Variants in DLG1 observed in about 807,000 individuals in gnomAD.
DLG1 encodes discs large MAGUK scaffold protein 1.
A neutral mutation model predicts 123.4 loss-of-function variants in DLG1; 42 were observed. The observed-to-expected ratio is 0.34, with a 90% CI of 0.27 to 0.44. DLG1 has a LOEUF of 0.44. Among genes scored for constraint, DLG1 ranks in the 20% least tolerant of loss-of-function variants. The pLI is 1.00. For missense variants in DLG1, 942 were observed against 1,082.6 expected, an observed-to-expected ratio of 0.87 and a Z score of 1.82; for synonymous variants, 317 against 356.2, an observed-to-expected ratio of 0.89 and a Z score of 1.24.
intron 4 of DLG1, among the ~76,000 whole-genome samples, chr3:197,204,171 C>G (rs1378744352): frequency 6.6e-6 from 1 of 152,232 alleles, no homozygotes; most frequent in Non-Finnish European, 1.5e-5. Context: ...GTGATTTCCA[C>G]ATTACACTGA....
rs1054271958 is a variant in DLG1 at position 197,220,300 on chromosome 3, ATTTGT to A, written c.319-25716_319-25712del. ...ATGTTATATATTTAAACCAAGTGGTATTTGTTTTAAAATAAAATGTTCTTTTAAAA... is the reference window on the plus strand; with the variant it reads ...ATGTTATATATTTAAACCAAGTGGTATTTAAAATAAAATGTTCTTTTAAAA... On this transcript the variant is annotated intron_variant, in intron 4 of 24. Coordinates refer to ENST00000667157, the MANE Select transcript of DLG1 (RefSeq NM_001366207.1). Among the ~76,000 whole-genome samples the A allele has an allele frequency of 3.4e-4, 52 of 152,272 alleles. 1 individual carries two copies. The highest frequency in any genetic ancestry group is 9.9e-4 in the African/African-American group (41 of 41,524).
In DLG1 at chr3:197,065,502, T is replaced by A. The variant is rs892253941; in HGVS notation, c.2201-54A>T. On this transcript the variant is annotated intron_variant, in intron 21 of 24. Transcript: ENST00000667157. ...TTTAATATTAAAAAAAAAACCACAA[T>A]AAATCCATTTTCTACTTACATCGTT... The A allele has an allele frequency of 3.6e-5, 51 of 1,415,420 alleles. No individual in the cohort carries two copies. In the African/African-American group the frequency reaches 5.5e-4, roughly 15 times the overall value. The allele number at this position is 1,415,420 out of a possible 1,614,324, so 87.7% of individuals were successfully genotyped here.
chr3:197,246,967 C>A (rs998949509), intron 4 of DLG1, among the ~76,000 whole-genome samples: 1 of 152,108 alleles, frequency 6.6e-6, no homozygotes, highest in African/African-American at 2.4e-5. Context: ...AAGAGGATGC[C>A]CAGGATGGAC....
At chr3:197,140,690 T>A (rs1013523547) in intron 7 of DLG1, among the ~76,000 whole-genome samples, 1 of 152,214 alleles carries the variant, frequency 6.6e-6, no homozygotes, top group African/African-American at 2.4e-5. Context: ...AAAACCCATA[T>A]ACTGTTTTAG....
intron 12 of DLG1, 51 bp downstream of exon 12, chr3:197,119,359 T>C: frequency 2.0e-6 from 3 of 1,472,872 alleles, no homozygotes; most frequent in Non-Finnish European, 2.7e-6. Context: ...TGATTAAAAT[T>C]CAATTTAATA....
At chr3:197,239,322 A>G (rs1278203110) in intron 4 of DLG1, among the ~76,000 whole-genome samples, 3 of 152,180 alleles carry the variant, frequency 2.0e-5, no homozygotes, top group African/African-American at 7.2e-5. Flanking sequence ...GAGACACTGA[A>G]TAAGTAATCA....
At chr3:197,091,456 A>G (rs987092235) in intron 14 of DLG1, among the ~76,000 whole-genome samples, 1 of 152,032 alleles carries the variant, frequency 6.6e-6, no homozygotes, top group Non-Finnish European at 1.5e-5. Flanking sequence ...TGAGACAATC[A>G]GTTCATTTTA....
At chr3:197,060,107 C>A in intron 22 of DLG1, 109 bp from the exon 23 acceptor site, 1 of 658,572 alleles carries the variant, frequency 1.5e-6, no homozygotes, top group East Asian at 2.9e-5. Context: ...TGTTTCGATC[C>A]TTGTTCACTT....
chr3:197,109,741 A>G (rs1768736388), intron 13 of DLG1, among the ~76,000 whole-genome samples: 1 of 152,000 alleles, frequency 6.6e-6, no homozygotes, highest in Non-Finnish European at 1.5e-5. Flanking sequence ...TTTCTTCTTT[A>G]TTTTCAAAAG....
At position 197,075,603 on chromosome 3, in the gene DLG1, A is replaced by C. The variant is rs556050629; in HGVS notation, c.2005+983T>G. Among the ~76,000 whole-genome samples the C allele has an allele frequency of 3.9e-5, 6 of 152,298 alleles. No individual in the cohort carries two copies. The South Asian group carries it at 6.2e-4, about 16-fold the overall frequency. Reference sequence around the variant, plus strand: ...TCGTAAAAATTACAAAAAGGAAAATATAGTTACGAGCAAGAGAATTTTTCA... The same window carrying C: ...TCGTAAAAATTACAAAAAGGAAAATCTAGTTACGAGCAAGAGAATTTTTCA... On this transcript the variant is annotated intron_variant, in intron 18 of 24. Coordinates refer to ENST00000667157, the MANE Select transcript of DLG1 (RefSeq NM_001366207.1).
chr3:197,070,183 AAAAAAT>A (rs148431215), intron 18 of DLG1: 189 of 152,212 alleles, frequency 1.2e-3, no homozygotes, highest in African/African-American at 4.3e-3. Flanking sequence ...TTTTATTTTT[AAAAAAT>A]AAAAATAAAA....
intron 5 of DLG1, among the ~76,000 whole-genome samples, chr3:197,191,903 C>G (rs1029539368): frequency 6.6e-6 from 1 of 152,116 alleles, no homozygotes; most frequent in Admixed American, 6.5e-5. Flanking sequence ...GAGCCAGGTG[C>G]AGTGGCTCAC....
chr3:197,263,695 G>C (rs111626925), intron 4 of DLG1, among the ~76,000 whole-genome samples: 8 of 152,162 alleles, frequency 5.3e-5, no homozygotes, highest in African/African-American at 1.4e-4. Context: ...GCTGAGGTGG[G>C]AGAATCACTT....
At chr3:197,085,253 A>T in intron 16 of DLG1, 1 of 254,098 alleles carries the variant, frequency 3.9e-6, no homozygotes, top group Non-Finnish European at 7.7e-6. Context: ...CCCTCTTAAC[A>T]AATTTCAAGT....
chr3:197,202,653 C>T (rs1386494941), intron 4 of DLG1, among the ~76,000 whole-genome samples: 1 of 152,186 alleles, frequency 6.6e-6, no homozygotes, highest in African/African-American at 2.4e-5. Flanking sequence ...GCAATCAAGG[C>T]AGTATCATCT....
intron 5 of DLG1, among the ~76,000 whole-genome samples, chr3:197,166,895 G>A (rs1025536652): frequency 1.3e-5 from 2 of 151,668 alleles, no homozygotes; most frequent in African/African-American, 2.4e-5. Context: ...TCCGTCTCGG[G>A]GGGAAAAAAA....
At chr3:197,164,413 A>T (rs73086534) in intron 5 of DLG1, among the ~76,000 whole-genome samples, 1 of 151,996 alleles carries the variant, frequency 6.6e-6, no homozygotes. Flanking sequence ...CTCAAAAAAA[A>T]GTCTAAACTC....
intron 4 of DLG1, among the ~76,000 whole-genome samples, chr3:197,217,925 G>A (rs1343567569): frequency 6.6e-6 from 1 of 152,142 alleles, no homozygotes; most frequent in Non-Finnish European, 1.5e-5. Context: ...TTTTTAATAT[G>A]TGTAGTTTAT....
intron 3 of DLG1, among the ~76,000 whole-genome samples, chr3:197,287,907 A>G (rs1410905036): frequency 1.3e-5 from 2 of 152,246 alleles, no homozygotes; most frequent in African/African-American, 4.8e-5. Flanking sequence ...TTACCTCAAT[A>G]GCCTTAAAAT....
Sources: allele counts gnomAD v4.1 joint callset (sites outside exome capture counted in the v4.1 genomes callset), GRCh38; gene constraint gnomAD v4.1.1; transcripts MANE v1.5; gene names NCBI Gene and HGNC (gene_info 2026-07-23, HGNC 2026-07-21).